CEP112: variants seen among roughly 807,000 people sequenced by gnomAD.
The protein encoded by CEP112 is centrosomal protein of 112 kDa.
CEP112 carries 127 observed loss-of-function variants against 153.0 expected under a neutral mutation model. The ratio of observed to expected loss-of-function variants is 0.83; its 90% CI spans 0.72 to 0.96. The LOEUF is 0.96. Ranked by LOEUF, CEP112 falls within the 40% of genes least tolerant of loss-of-function variation. CEP112 has a pLI of 0.00. For synonymous variants in CEP112, 358 were observed against 374.4 expected (o/e 0.96, Z 0.51); for missense variants, 1,089 against 1,101.2 (o/e 0.99, Z 0.16).
chr17:65,965,729 C>T lies in CEP112; in HGVS notation c.1737-4131G>A, dbSNP rs529936838. Among the ~76,000 whole-genome samples the T allele has an allele frequency of 3.3e-3, 496 of 151,906 alleles. 1 individual carries two copies. The highest frequency in any genetic ancestry group is 6.0e-3 in the Non-Finnish European group (408 of 67,964). On this transcript the variant is annotated intron_variant, in intron 17 of 26. Transcript: ENST00000535342. Reference sequence around the variant, plus strand: ...TAGAAATGGGGTTTTGTCAAGTTGCCCAGGCTGGTCTCAAACTCCTGGACT... The same window carrying T: ...TAGAAATGGGGTTTTGTCAAGTTGCTCAGGCTGGTCTCAAACTCCTGGACT...
At chr17:65,831,389 C>T (rs962032181) in intron 21 of CEP112, among the ~76,000 whole-genome samples, 23 of 152,124 alleles carry the variant, frequency 1.5e-4, no homozygotes, top group Non-Finnish European at 2.2e-4. Flanking sequence ...AACCCCGTCT[C>T]TACTAAAAAT....
At chr17:66,053,356 T>C (rs1040995493) in intron 12 of CEP112, among the ~76,000 whole-genome samples, 3 of 151,598 alleles carry the variant, frequency 2.0e-5, no homozygotes, top group African/African-American at 7.3e-5. Context: ...AAAAAATAGC[T>C]GGGCATGGTG....
intron 16 of CEP112, among the ~76,000 whole-genome samples, chr17:66,018,533 T>C (rs1443332636): frequency 6.6e-6 from 1 of 152,178 alleles, no homozygotes; most frequent in Non-Finnish European, 1.5e-5. Context: ...AAAATAAGGG[T>C]GATTAGATTG....
intron 4 of CEP112, among the ~76,000 whole-genome samples, chr17:66,162,878 CTTG>C (rs1056702291): frequency 2.6e-5 from 4 of 151,966 alleles, no homozygotes; most frequent in African/African-American, 7.3e-5. Flanking sequence ...TTTGATGTGT[CTTG>C]TTGTATGTGT....
At chr17:65,858,696 A>ATT (rs934641232) in intron 20 of CEP112, among the ~76,000 whole-genome samples, 1 of 152,204 alleles carries the variant, frequency 6.6e-6, no homozygotes, top group African/African-American at 2.4e-5. Flanking sequence ...TTCATTAACA[A>ATT]TTAACCGTTT....
At chr17:65,735,539 G>A (rs2050749679) in intron 23 of CEP112, among the ~76,000 whole-genome samples, 1 of 116,580 alleles carries the variant, frequency 8.6e-6, no homozygotes, top group Admixed American at 9.5e-5. Context: ...TATCGTTAAG[G>A]TGAAAATGTA....
intron 8 of CEP112, among the ~76,000 whole-genome samples, chr17:66,081,614 CA>C (rs11421559): frequency 1.3e-3 from 181 of 138,864 alleles, no homozygotes; most frequent in Middle Eastern, 3.9e-3. Flanking sequence ...GACTCACAGA[CA>C]AAAAAAAAAA....
At chr17:65,886,101 G>A (rs536943085) in intron 20 of CEP112, among the ~76,000 whole-genome samples, 3 of 152,148 alleles carry the variant, frequency 2.0e-5, no homozygotes, top group African/African-American at 4.8e-5. Context: ...TTAAAGTCCC[G>A]CCTTTGGTTC....
At chr17:66,146,312 A>G (rs2070916343) in intron 4 of CEP112, among the ~76,000 whole-genome samples, 1 of 152,028 alleles carries the variant, frequency 6.6e-6, no homozygotes, top group Non-Finnish European at 1.5e-5. Flanking sequence ...AGCTATTCAG[A>G]TTTCCCATTT....
chr17:65,635,849 T>C lies in CEP112; in HGVS notation c.*122A>G. On this transcript the variant is annotated 3_prime_UTR_variant, in exon 27 of 27. Transcript: ENST00000535342. ...TGATGCATGTTTTTATGATCTTAAT[T>C]ACATTTAAGGATTTAAAAAATGCCA... is the stretch of plus-strand genomic sequence containing the variant. 1 of 1,011,810 alleles carries C rather than the reference T, an allele frequency of 9.9e-7. No individual in the cohort carries two copies. Among genetic ancestry groups the C allele is most frequent in the Non-Finnish European group, 1.5e-6 (1 of 675,194 alleles). The allele number at this position is 1,011,810 out of a possible 1,614,324, so 62.7% of individuals were successfully genotyped here. A position where few individuals can be genotyped will look rare whatever the true frequency, so the allele number is the denominator to read the frequency against.
At chr17:65,901,983 C>T (rs1376297846) in intron 20 of CEP112, among the ~76,000 whole-genome samples, 169 bp downstream of exon 20, 3 of 4,936 alleles carry the variant, frequency 6.1e-4, no homozygotes, top group African/African-American at 1.9e-3. Context: ...CATCCCAAAA[C>T]GGGGGGGGGG....
chr17:66,125,430 C>T (rs1421688585), intron 6 of CEP112, among the ~76,000 whole-genome samples: 1 of 152,162 alleles, frequency 6.6e-6, no homozygotes, highest in Admixed American at 6.5e-5. Flanking sequence ...AAGACGATCA[C>T]TTGAACCCAT....
At chr17:65,995,638 G>A (rs1167432862) in intron 17 of CEP112, among the ~76,000 whole-genome samples, 6 of 152,204 alleles carry the variant, frequency 3.9e-5, no homozygotes, top group South Asian at 2.1e-4. Flanking sequence ...ACAAGAAACA[G>A]CAACATCTAA....
At chr17:66,073,715 T>C (rs1053769477) in intron 8 of CEP112, among the ~76,000 whole-genome samples, 2 of 152,214 alleles carry the variant, frequency 1.3e-5, no homozygotes, top group African/African-American at 2.4e-5. Flanking sequence ...ACAGGTCCCA[T>C]GGTGTTGGAT....
intron 1 of CEP112, among the ~76,000 whole-genome samples, chr17:66,188,406 C>T (rs184857893): frequency 7.1e-5 from 10 of 141,118 alleles, no homozygotes; most frequent in African/African-American, 2.4e-4. Flanking sequence ...AACCCCCCCC[C>T]ACCCCCGAGC....
chr17:65,696,487 T>C (rs1256511502), intron 23 of CEP112, among the ~76,000 whole-genome samples: 1 of 152,276 alleles, frequency 6.6e-6, no homozygotes, highest in Non-Finnish European at 1.5e-5. Flanking sequence ...TTTTGCCCTA[T>C]ATAAATACAA....
intron 21 of CEP112, among the ~76,000 whole-genome samples, chr17:65,779,951 G>C (rs2053907213): frequency 6.6e-6 from 1 of 151,928 alleles, no homozygotes; most frequent in African/African-American, 2.4e-5. Context: ...TGGACCTACT[G>C]AGTTTCTCAT....
chr17:66,163,649 G>A (rs567106752), intron 4 of CEP112, among the ~76,000 whole-genome samples: 88 of 151,968 alleles, frequency 5.8e-4, no homozygotes, highest in African/African-American at 1.5e-3. Context: ...TTAAGACTTC[G>A]TATTTCCAAC....
Position 65,927,662 on chromosome 17 carries a change from T to C in CEP112, c.1900A>G (p.Arg634Gly). 6.3e-7 allele frequency: 1 copy of C among 1,583,978 alleles called. No individual in the cohort carries two copies. The highest frequency in any genetic ancestry group is 1.2e-5 in the South Asian group (1 of 82,794). ...QMEKVEADLT[R>G]SKSLREKQSK... Reference sequence around the variant, plus strand: ...TGTTTCTCACGAAGAGATTTGGATCTAGTTAGATCTGCCTCCACTTTTTCC... The same window carrying C: ...TGTTTCTCACGAAGAGATTTGGATCCAGTTAGATCTGCCTCCACTTTTTCC... Residue 634 changes from arginine to glycine, a missense_variant, in exon 19 of 27, where the codon AGA (arginine) becomes GGA (glycine). By Grantham distance (125) the Arg-to-Gly change is moderately radical. Transcript: ENST00000535342.
Sources: gnomAD v4.1 joint callset for allele counts (sites outside exome capture counted in the v4.1 genomes callset) on GRCh38, gnomAD v4.1.1 for gene constraint, MANE v1.5 for transcripts, NCBI Gene and HGNC (gene_info 2026-07-23, HGNC 2026-07-21) for gene names.